The following GRID2 variants were observed in gnomAD, a reference collection of about 807,000 sequenced individuals.
GRID2 encodes the protein glutamate ionotropic receptor delta type subunit 2.
GRID2 carries 33 observed loss-of-function variants against 114.8 expected under a neutral mutation model. The ratio of observed to expected loss-of-function variants is 0.29; its 90% CI spans 0.22 to 0.38. The LOEUF is 0.38. GRID2 is among the 10% of genes least tolerant of loss of function. The probability of loss-of-function intolerance (pLI) is 1.00; values close to 1 mark genes in which losing one functional copy is unlikely to be tolerated. For missense variants in GRID2, 1,184 were observed against 1,257.7 expected, an observed-to-expected ratio of 0.94 and a Z score of 0.89; for synonymous variants, 505 against 449.9, an observed-to-expected ratio of 1.12 and a Z score of -1.55.
chr4:93,331,394 C>T, intron 8 of GRID2, among the ~76,000 whole-genome samples: 1 of 151,870 alleles, frequency 6.6e-6, no homozygotes, highest in South Asian at 2.1e-4. Context: ...GTAACGTGGA[C>T]CCAGACCTCT....
At chr4:92,396,395 G>A (rs1730492870) in intron 1 of GRID2, among the ~76,000 whole-genome samples, 1 of 151,930 alleles carries the variant, frequency 6.6e-6, no homozygotes, top group Non-Finnish European at 1.5e-5. Context: ...TTTGCCGATT[G>A]CTTTTTGTAA....
intron 8 of GRID2, among the ~76,000 whole-genome samples, chr4:93,308,569 C>T (rs557452261): frequency 7.7e-4 from 117 of 152,030 alleles, no homozygotes; most frequent in South Asian, 7.5e-3. Flanking sequence ...TCTCTTTTTT[C>T]CACATGTTAG....
Position 93,411,322 on chromosome 4 carries a change from AT to A in GRID2, c.1348-11442del, listed in dbSNP as rs538842503. On this transcript the variant is annotated intron_variant, in intron 9 of 15. Coordinates refer to ENST00000282020, the MANE Select transcript of GRID2 (RefSeq NM_001510.4). ...TTCCATATGAATATTTGCTGCTATTATTTTTTTCAATTTCAAACATGTACAC... is the reference window on the plus strand; with the variant it reads ...TTCCATATGAATATTTGCTGCTATTATTTTTTCAATTTCAAACATGTACAC... Among the ~76,000 whole-genome samples the A allele has an allele frequency of 1.0e-3, 153 of 152,144 alleles. 1 individual carries two copies. Among genetic ancestry groups the A allele is most frequent in the African/African-American group, 3.6e-3 (150 of 41,472 alleles).
intron 1 of GRID2, among the ~76,000 whole-genome samples, chr4:92,494,279 T>A (rs1723284691): frequency 6.6e-6 from 1 of 152,010 alleles, no homozygotes; most frequent in Admixed American, 6.6e-5. Context: ...TGGATTCTCC[T>A]TTTTATAAAT....
intron 8 of GRID2, among the ~76,000 whole-genome samples, chr4:93,376,800 C>G (rs1763422879): frequency 6.6e-6 from 1 of 152,128 alleles, no homozygotes; most frequent in African/African-American, 2.4e-5. Context: ...AGGGGAACAA[C>G]ACACACTGGG....
intron 2 of GRID2, among the ~76,000 whole-genome samples, chr4:92,960,775 A>G (rs757026773): frequency 6.6e-6 from 1 of 151,654 alleles, no homozygotes; most frequent in Non-Finnish European, 1.5e-5. Flanking sequence ...CTTATTTATG[A>G]CTATCTTCTA....
chr4:93,560,088 G>A (rs1578261762), intron 13 of GRID2, among the ~76,000 whole-genome samples: 2 of 151,922 alleles, frequency 1.3e-5, no homozygotes, highest in South Asian at 4.2e-4. Flanking sequence ...GAAGGTGGGG[G>A]GCTAGGGGAT....
chr4:93,442,671 ACTAT>A (rs1017020758), intron 10 of GRID2, among the ~76,000 whole-genome samples: 13 of 152,100 alleles, frequency 8.5e-5, no homozygotes, highest in African/African-American at 2.9e-4. Context: ...CACTTGCTTT[ACTAT>A]CTATACTTCA....
intron 1 of GRID2, among the ~76,000 whole-genome samples, chr4:93,799,832 T>C (rs1218389272): frequency 6.6e-6 from 1 of 152,252 alleles, no homozygotes; most frequent in South Asian, 2.1e-4. Context: ...AAAAGAAACA[T>C]ATTTGAATTA....
chr4:92,996,139 A>C (rs888287521), intron 2 of GRID2, among the ~76,000 whole-genome samples: 1 of 151,862 alleles, frequency 6.6e-6, no homozygotes, highest in African/African-American at 2.4e-5. Context: ...GAAATACAAA[A>C]ATTAGCCAGG....
At chr4:92,465,929 T>C (rs1179749808) in intron 1 of GRID2, among the ~76,000 whole-genome samples, 1 of 151,766 alleles carries the variant, frequency 6.6e-6, no homozygotes. Context: ...ATAAAGAAAA[T>C]AATGATCATA....
At chr4:93,323,499 C>A (rs1424211909) in intron 8 of GRID2, among the ~76,000 whole-genome samples, 1 of 152,122 alleles carries the variant, frequency 6.6e-6, no homozygotes, top group Non-Finnish European at 1.5e-5. Context: ...CAGCTTTGTT[C>A]GTTTGAATTA....
At chr4:92,410,259 C>G (rs77431729) in intron 1 of GRID2, among the ~76,000 whole-genome samples, 6,542 of 152,184 alleles carry the variant, frequency 0.043, 155 homozygotes, top group South Asian at 0.081. Flanking sequence ...TAGGCTTCTT[C>G]CCATGACAGA....
At chr4:92,370,379 C>T (rs1729063542) in intron 1 of GRID2, among the ~76,000 whole-genome samples, 1 of 152,126 alleles carries the variant, frequency 6.6e-6, no homozygotes, top group South Asian at 2.1e-4. Context: ...TGGCCGGGCA[C>T]AGTGGCTCAA....
At chr4:92,943,658 A>T (rs1021198500) in intron 2 of GRID2, among the ~76,000 whole-genome samples, 9 of 151,940 alleles carry the variant, frequency 5.9e-5, no homozygotes, top group African/African-American at 1.9e-4. Context: ...AGGTGCTCTG[A>T]CTTTCAGAGT....
chr4:93,694,689 T>G (rs1193087339), intron 14 of GRID2, among the ~76,000 whole-genome samples: 1 of 152,190 alleles, frequency 6.6e-6, no homozygotes, highest in East Asian at 1.9e-4. Context: ...CTCATCCATT[T>G]TCTTACAGGG....
At chr4:93,014,381 A>G (rs1027627900) in intron 2 of GRID2, among the ~76,000 whole-genome samples, 1 of 152,060 alleles carries the variant, frequency 6.6e-6, no homozygotes, top group South Asian at 2.1e-4. Context: ...AAATGTACAC[A>G]GATAATAATA....
At chr4:93,028,797 C>G (rs1724124913) in intron 2 of GRID2, among the ~76,000 whole-genome samples, 1 of 151,950 alleles carries the variant, frequency 6.6e-6, no homozygotes, top group Non-Finnish European at 1.5e-5. Context: ...AATGAGGTAG[C>G]TGGTCCTGCT....
chr4:93,329,184 C>A (rs1758171811), intron 8 of GRID2, among the ~76,000 whole-genome samples: 1 of 152,056 alleles, frequency 6.6e-6, no homozygotes, highest in African/African-American at 2.4e-5. Flanking sequence ...AGTCAGGAAT[C>A]TGAAAAACTA....
Sources: gnomAD v4.1 joint callset for allele counts (sites outside exome capture counted in the v4.1 genomes callset) on GRCh38, gnomAD v4.1.1 for gene constraint, MANE v1.5 for transcripts, NCBI Gene and HGNC (gene_info 2026-07-23, HGNC 2026-07-21) for gene names.